Variants in PLAA observed in about 807,000 individuals in gnomAD.
PLAA encodes the protein phospholipase A-2-activating protein.
Under a neutral mutation model 84.1 loss-of-function variants are expected in PLAA, and 48 were observed. The observed-to-expected ratio is 0.57, with a 90% CI of 0.45 to 0.73. The LOEUF is 0.73. Ranked by LOEUF, PLAA falls within the 30% of genes least tolerant of loss-of-function variation. The pLI is 0.00. For synonymous variants in PLAA, 392 were observed against 336.6 expected (o/e 1.16, Z -1.80); for missense variants, 903 against 954.7 (o/e 0.95, Z 0.71).
chr9:26,912,884 T>C (rs1287836433), intron 11 of PLAA, among the ~76,000 whole-genome samples: 1 of 152,198 alleles, frequency 6.6e-6, no homozygotes, highest in Non-Finnish European at 1.5e-5. Flanking sequence ...TACTTCAGTA[T>C]TGCTAACCAA....
In PLAA at chr9:26,904,830, G is replaced by A. The variant is rs757684696; in HGVS notation, c.*681C>T. 2.0e-5 allele frequency: 3 copies of A among 152,292 alleles called. No individual in the cohort carries two copies. The highest frequency in any genetic ancestry group is 1.3e-4 in the Admixed American group (2 of 15,260). The allele number at this position is 152,292 out of a possible 1,614,324, so 9.4% of individuals were successfully genotyped here. A position where few individuals can be genotyped will look rare whatever the true frequency, so the allele number is the denominator to read the frequency against. On this transcript the variant is annotated 3_prime_UTR_variant, in exon 14 of 14. Transcript: ENST00000397292. ...ATGAAAAATGAAGTTACCTCAAATAGTGAAGGGCAAAAGAAACTGGATCTA... is the reference window on the plus strand; with the variant it reads ...ATGAAAAATGAAGTTACCTCAAATAATGAAGGGCAAAAGAAACTGGATCTA...
At chr9:26,927,977 CAAATT>C in intron 4 of PLAA, 118 bp downstream of exon 4, 1 of 1,101,354 alleles carries the variant, frequency 9.1e-7, no homozygotes, top group Non-Finnish European at 1.3e-6. Context: ...TACATTAACT[CAAATT>C]AATAGCTTAA....
intron 1 of PLAA, among the ~76,000 whole-genome samples, chr9:26,945,126 T>C (rs1002784599): frequency 2.0e-5 from 3 of 150,880 alleles, no homozygotes; most frequent in African/African-American, 7.3e-5. Flanking sequence ...AAACTCTGTC[T>C]CAAAAAAAAA....
intron 11 of PLAA, among the ~76,000 whole-genome samples, chr9:26,911,367 G>T (rs978968192): frequency 6.6e-6 from 1 of 152,132 alleles, no homozygotes; most frequent in African/African-American, 2.4e-5. Flanking sequence ...TGGCCAGGCT[G>T]GTCTCGAACT....
chr9:26,942,973 A>G (rs1361634350), intron 1 of PLAA, among the ~76,000 whole-genome samples: 1 of 151,920 alleles, frequency 6.6e-6, no homozygotes, highest in African/African-American at 2.4e-5. Context: ...ATTCTACAGT[A>G]GGAACTAATA....
chr9:26,942,789 G>A (rs1349621790), intron 1 of PLAA, among the ~76,000 whole-genome samples: 1 of 149,500 alleles, frequency 6.7e-6, no homozygotes, highest in East Asian at 2.1e-4. Flanking sequence ...GGCTAAGGCA[G>A]AATGGCGTCA....
At chr9:26,922,806 A>C (rs889001195) in intron 7 of PLAA, among the ~76,000 whole-genome samples, 11 of 151,992 alleles carry the variant, frequency 7.2e-5, no homozygotes, top group African/African-American at 2.4e-4. Flanking sequence ...AGCTGGGACT[A>C]CAAGCGCATG....
chr9:26,938,370 C>A (rs1401161209), intron 1 of PLAA, among the ~76,000 whole-genome samples: 1 of 151,792 alleles, frequency 6.6e-6, no homozygotes, highest in Non-Finnish European at 1.5e-5. Context: ...GTCAACATAG[C>A]GAAACCCCAT....
rs187315011 is a variant in PLAA, at chr9:26,912,478, T to C, written c.1555+1401A>G. On this transcript the variant is annotated intron_variant, in intron 11 of 13. Transcript: ENST00000397292. ...AATAAAAAGATCACTGTCTGCAATATGGATCATCGAGAGACCAATTTGGAA... is the reference window on the plus strand; with the variant it reads ...AATAAAAAGATCACTGTCTGCAATACGGATCATCGAGAGACCAATTTGGAA... 2.6e-5 allele frequency among the ~76,000 whole-genome samples: 4 copies of C among 152,296 alleles called. No homozygotes were observed. In the East Asian group the frequency reaches 7.7e-4, roughly 29 times the overall value.
intron 12 of PLAA, among the ~76,000 whole-genome samples, chr9:26,908,207 G>A (rs1181943362): frequency 7.0e-6 from 1 of 143,310 alleles, no homozygotes; most frequent in East Asian, 2.0e-4. Flanking sequence ...CTGCTCAGTC[G>A]CCCAGGCTGG....
intron 1 of PLAA, among the ~76,000 whole-genome samples, chr9:26,945,315 C>T (rs1375151717): frequency 6.6e-6 from 1 of 152,168 alleles, no homozygotes; most frequent in Non-Finnish European, 1.5e-5. Flanking sequence ...CTTGATTATA[C>T]TCCTTACTGC....
Position 26,919,769 on chromosome 9 carries a change from A to G in PLAA, c.1198-240T>C, listed in dbSNP as rs190780455. The stretch of plus-strand genomic sequence containing the variant: ...AGGATGAAGGATGGATTACAACTAC[A>G]TATTAACTCTAGAGCCAAAGCAGAG... On this transcript the variant is annotated intron_variant, in intron 8 of 13. Coordinates refer to ENST00000397292, the MANE Select transcript of PLAA (RefSeq NM_001031689.3). Among the ~76,000 whole-genome samples, 11 of 152,308 alleles carry G rather than the reference A, an allele frequency of 7.2e-5. No individual in the cohort carries two copies. The East Asian group carries it at 2.1e-3, about 29-fold the overall frequency.
intron 13 of PLAA, among the ~76,000 whole-genome samples, chr9:26,907,325 TG>T: frequency 6.6e-6 from 1 of 152,042 alleles, no homozygotes; most frequent in East Asian, 1.9e-4. Context: ...GTCAGGAGAT[TG>T]AGACCATCCT....
intron 1 of PLAA, among the ~76,000 whole-genome samples, chr9:26,943,630 T>C (rs770707381): frequency 6.6e-6 from 1 of 152,168 alleles, no homozygotes; most frequent in Non-Finnish European, 1.5e-5. Context: ...CAAACATTTA[T>C]AGCATTTCAT....
chr9:26,933,681 C>A (rs1331764757), intron 2 of PLAA, among the ~76,000 whole-genome samples: 3 of 146,740 alleles, frequency 2.0e-5, no homozygotes, highest in Non-Finnish European at 4.5e-5. Context: ...CCCAGCTACT[C>A]GGCAGGCTGA....
intron 11 of PLAA, among the ~76,000 whole-genome samples, chr9:26,912,440 A>C (rs1201411819): frequency 6.6e-6 from 1 of 152,212 alleles, no homozygotes; most frequent in East Asian, 1.9e-4. Flanking sequence ...GGAGGTGCAT[A>C]AACAGAGTAA....
chr9:26,906,932 T>TA lies in PLAA; in HGVS notation c.1823-857dup, dbSNP rs1000623256. On this transcript the variant is annotated intron_variant, in intron 13 of 13. Transcript: ENST00000397292. Reference sequence around the variant, plus strand: ...ATCATCATTTATAAAGGATTTCACCTAAAAAAAAAACACCTACTGAACCAG... The same window carrying TA: ...ATCATCATTTATAAAGGATTTCACCTAAAAAAAAAAACACCTACTGAACCAG... Among the ~76,000 whole-genome samples the TA allele has an allele frequency of 6.5e-4, 87 of 133,132 alleles. No individual in the cohort carries two copies. In the Middle Eastern group the frequency reaches 0.013, roughly 20 times the overall value. The allele number at this position is 133,132 out of a possible 152,430, so 87.3% of individuals were successfully genotyped here. A position where few individuals can be genotyped will look rare whatever the true frequency, so the allele number is the denominator to read the frequency against.
chr9:26,917,271 G>T lies in PLAA; in HGVS notation c.1418-106C>A. ...AACCTACATTTGGAGAAAAACAGAA[G>T]AGCAAAACTTTCACATGATAGAATG... On this transcript the variant is annotated intron_variant, in intron 9 of 13. Coordinates refer to ENST00000397292, the MANE Select transcript of PLAA (RefSeq NM_001031689.3). 4.8e-6 allele frequency: 4 copies of T among 826,964 alleles called. No individual in the cohort carries two copies. The South Asian group carries it at 6.2e-5, about 13-fold the overall frequency. The allele number at this position is 826,964 out of a possible 1,614,324, so 51.2% of individuals were successfully genotyped here.
Position 26,928,379 on chromosome 9 carries a change from T to C in PLAA, c.373A>G (p.Thr125Ala). 6.2e-7 allele frequency: 1 copy of C among 1,613,498 alleles called. No individual in the cohort carries two copies. Among genetic ancestry groups the C allele is most frequent in the Non-Finnish European group, 8.5e-7 (1 of 1,179,406 alleles). The change falls in exon 3 of 14, where the codon ACA (threonine) becomes GCA (alanine). Residue 125 changes from threonine (T) to alanine (A), a missense_variant. Coordinates refer to ENST00000397292, the MANE Select transcript of PLAA (RefSeq NM_001031689.3). Reference protein sequence around the residue: ...VCSLSSGKFGTLLSGSWDTTA... With the variant: ...VCSLSSGKFGALLSGSWDTTA... ...GTGTCCCATGAACCACTAAGTAATG[T>C]CCCAAATTTTCCAGATGATAGACTA... is the stretch of plus-strand genomic sequence containing the variant.
Sources: gnomAD v4.1 joint callset for allele counts (sites outside exome capture counted in the v4.1 genomes callset) on GRCh38, gnomAD v4.1.1 for gene constraint, MANE v1.5 for transcripts, NCBI Gene and HGNC (gene_info 2026-07-23, HGNC 2026-07-21) for gene names.